The following AKAP13 variants were observed in gnomAD, a reference collection of about 807,000 sequenced individuals.
AKAP13 encodes A-kinase anchoring protein 13.
AKAP13 carries 80 observed loss-of-function variants against 264.5 expected under a neutral mutation model. The ratio of observed to expected loss-of-function variants is 0.30; its 90% CI spans 0.25 to 0.36. The LOEUF (loss-of-function observed/expected upper bound fraction) is 0.36, where lower values mean the gene tolerates loss of function less well. Ranked by LOEUF, AKAP13 falls within the 10% of genes least tolerant of loss-of-function variation. AKAP13 has a pLI of 1.00. For missense variants in AKAP13, 3,712 were observed against 3,435.2 expected, an observed-to-expected ratio of 1.08 and a Z score of -2.01; for synonymous variants, 1,380 against 1,250.2, an observed-to-expected ratio of 1.10 and a Z score of -2.19.
In AKAP13 at chr15:85,641,445, CAAATAAATAAATAAATAAATAAATAAAT is replaced by C. The variant is rs199664618; in HGVS notation, c.4237+2031_4237+2058del. ...TGGGCGACGGAGCAAGACTCCATCT[CAAATAAATAAATAAATAAATAAATAAAT>C]AAATAAATAAATAAATAAATAAATA... On this transcript the variant is annotated intron_variant, in intron 9 of 36. Coordinates refer to ENST00000394518, the MANE Select transcript of AKAP13 (RefSeq NM_007200.5). 6.6e-3 allele frequency among the ~76,000 whole-genome samples: 642 copies of C among 97,412 alleles called. 4 individuals carry two copies. The highest frequency in any genetic ancestry group is 0.02 in the African/African-American group (486 of 24,484). 63.9% of individuals were successfully genotyped at this position (97,412 alleles called of 152,430 possible). A position where few individuals can be genotyped will look rare whatever the true frequency, so the allele number is the denominator to read the frequency against.
chr15:85,408,365 A>G (rs556411953), intron 1 of AKAP13, among the ~76,000 whole-genome samples: 83 of 151,970 alleles, frequency 5.5e-4, no homozygotes, highest in South Asian at 2.5e-3. Context: ...TTAAGTGCAG[A>G]GGCAGTGGCA....
Position 85,581,993 on chromosome 15 carries a change from C to G in AKAP13, c.3925C>G (p.Leu1309Val), listed in dbSNP as rs2079148734. 2 of 1,614,052 alleles carry G rather than the reference C, an allele frequency of 1.2e-6. No individual in the cohort carries two copies. The highest frequency in any genetic ancestry group is 2.7e-5 in the African/African-American group (2 of 74,918). Residue 1309 changes from leucine to valine, a missense_variant, in exon 7 of 37, where the codon CTA becomes GTA. Leu to Val is a conservative substitution (Grantham distance 32). Coordinates refer to ENST00000394518, the MANE Select transcript of AKAP13 (RefSeq NM_007200.5). The part of the protein sequence containing the change: ...KVSTFPPGES[L>V]PMGSTPEEAT... ...GAGTACTTTCCCACCTGGGGAGAGCCTACCAATGGGCAGTACTCCTGAGGA... is the reference window on the plus strand; with the variant it reads ...GAGTACTTTCCCACCTGGGGAGAGCGTACCAATGGGCAGTACTCCTGAGGA...
intron 1 of AKAP13, among the ~76,000 whole-genome samples, chr15:85,438,429 G>C (rs1474866521): frequency 6.6e-6 from 1 of 151,714 alleles, no homozygotes; most frequent in Admixed American, 6.6e-5. Flanking sequence ...TCCCCATAAA[G>C]CTACCAATGA....
chr15:85,498,966 A>G (rs1281343226), intron 2 of AKAP13, among the ~76,000 whole-genome samples: 2 of 152,208 alleles, frequency 1.3e-5, no homozygotes, highest in African/African-American at 4.8e-5. Flanking sequence ...AACAAAGAGG[A>G]TAGTTTTGAA....
intron 2 of AKAP13, among the ~76,000 whole-genome samples, chr15:85,486,146 TG>T (rs1185346130): frequency 6.6e-6 from 1 of 152,224 alleles, no homozygotes; most frequent in Non-Finnish European, 1.5e-5. Flanking sequence ...ACTATGTCAT[TG>T]GCAAGAGTAC....
chr15:85,435,311 C>T (rs1300978217), intron 1 of AKAP13, among the ~76,000 whole-genome samples: 4 of 135,984 alleles, frequency 2.9e-5, no homozygotes, highest in African/African-American at 1.1e-4. Flanking sequence ...AAATATGGGA[C>T]TATGTGAAAA....
intron 33 of AKAP13, among the ~76,000 whole-genome samples, chr15:85,737,774 A>G (rs561351565): frequency 2.0e-5 from 3 of 152,188 alleles, no homozygotes; most frequent in East Asian, 3.9e-4. Context: ...AGTAGCTGGG[A>G]CTACAGGCCC....
chr15:85,500,027 A>C (rs1192738733), intron 2 of AKAP13, among the ~76,000 whole-genome samples: 1 of 152,146 alleles, frequency 6.6e-6, no homozygotes, highest in East Asian at 1.9e-4. Context: ...GTTGCCTCAT[A>C]CATGGATGAT....
In AKAP13 at chr15:85,468,762, A is replaced by G. The variant is rs16940089; in HGVS notation, c.-11-16948A>G. Among the ~76,000 whole-genome samples the G allele has an allele frequency of 1.4e-4, 21 of 152,142 alleles. No individual in the cohort carries two copies. In the East Asian group the frequency reaches 3.5e-3, roughly 25 times the overall value. On this transcript the variant is annotated intron_variant, in intron 1 of 36. Transcript: ENST00000394518. ...AGGTCAGAGAGCATAACTTCTGTGAAGCTGCCCCCATTTCACCCTTCATGC... is the reference window on the plus strand; with the variant it reads ...AGGTCAGAGAGCATAACTTCTGTGAGGCTGCCCCCATTTCACCCTTCATGC...
chr15:85,613,715 A>ATATATATATATATATAT (rs1421387238), intron 8 of AKAP13, among the ~76,000 whole-genome samples: 123 of 76,808 alleles, frequency 1.6e-3, no homozygotes, highest in Non-Finnish European at 3.1e-3. Flanking sequence ...TATATATATT[A>ATATATATATATATATAT]GGAGTGCTGA....
chr15:85,723,031 A>C (rs746023675), intron 25 of AKAP13, 41 bp from the exon 26 acceptor site: 2 of 1,597,140 alleles, frequency 1.3e-6, no homozygotes, highest in Non-Finnish European at 1.7e-6. Context: ...GCCCTTGTCC[A>C]AAAAGAGCCA....
chr15:85,690,247 T>C (rs975261150), intron 16 of AKAP13: 2 of 152,214 alleles, frequency 1.3e-5, no homozygotes, highest in Non-Finnish European at 2.9e-5. Flanking sequence ...TTATTCAGGT[T>C]TGAAGAGCAT....
At chr15:85,544,002 A>AC in intron 5 of AKAP13, 47 bp downstream of exon 5, 9 of 1,602,682 alleles carry the variant, frequency 5.6e-6, no homozygotes, top group Non-Finnish European at 7.7e-6. Context: ...CCCCAGCCCC[A>AC]CCCCCGATTC....
intron 16 of AKAP13, 123 bp downstream of exon 16, chr15:85,684,996 G>A (rs760240619): frequency 8.1e-5 from 97 of 1,201,828 alleles, no homozygotes; most frequent in African/African-American, 1.1e-4. Context: ...ATTACTCTCC[G>A]AAATCGCCTA....
chr15:85,549,275 G>C (rs1390107155), intron 5 of AKAP13, among the ~76,000 whole-genome samples: 2 of 152,104 alleles, frequency 1.3e-5, no homozygotes, highest in Non-Finnish European at 2.9e-5. Context: ...ATGGAACAAG[G>C]AATTCTAGAT....
At chr15:85,651,533 C>G (rs1313465895) in intron 10 of AKAP13, 4 of 152,198 alleles carry the variant, frequency 2.6e-5, no homozygotes, top group Non-Finnish European at 5.9e-5. Flanking sequence ...AATTTAATGA[C>G]TGCTTCACGA....
intron 2 of AKAP13, among the ~76,000 whole-genome samples, chr15:85,498,522 CTT>C (rs71138402): frequency 0.11 from 16,074 of 151,898 alleles, 1,239 homozygotes; most frequent in South Asian, 0.33. Context: ...AAACTAAAAA[CTT>C]TTGCTCTTCC....
At chr15:85,539,466 A>G (rs180798794) in intron 4 of AKAP13, among the ~76,000 whole-genome samples, 2 of 152,334 alleles carry the variant, frequency 1.3e-5, no homozygotes, top group African/African-American at 4.8e-5. Context: ...TTTTGGAATC[A>G]TAGGTATAGA....
At chr15:85,722,964 C>T in intron 25 of AKAP13, 108 bp from the exon 26 acceptor site, 3 of 1,409,534 alleles carry the variant, frequency 2.1e-6, no homozygotes, top group South Asian at 2.9e-5. Flanking sequence ...CCTCTGATAG[C>T]ATAGTCACAA....
Sources: allele counts gnomAD v4.1 joint callset (sites outside exome capture counted in the v4.1 genomes callset), GRCh38; gene constraint gnomAD v4.1.1; transcripts MANE v1.5; gene names NCBI Gene and HGNC (gene_info 2026-07-23, HGNC 2026-07-21).